The following HS3ST5 variants were observed in gnomAD, a reference collection of about 807,000 sequenced individuals.
HS3ST5 encodes the protein heparan sulfate glucosamine 3-O-sulfotransferase 5.
HS3ST5 carries 10 observed loss-of-function variants against 25.4 expected under a neutral mutation model. The ratio of observed to expected loss-of-function variants is 0.39; its 90% CI spans 0.24 to 0.67. HS3ST5 has a LOEUF of 0.67. Among genes scored for constraint, HS3ST5 ranks in the 30% least tolerant of loss-of-function variants. HS3ST5 has a pLI of 0.44. For missense variants in HS3ST5, 324 were observed against 420.7 expected, an observed-to-expected ratio of 0.77 and a Z score of 2.01; for synonymous variants, 170 against 162.4, an observed-to-expected ratio of 1.05 and a Z score of -0.36.
chr6:114,093,107 C>T (rs1357267527), intron 3 of HS3ST5, among the ~76,000 whole-genome samples: 2 of 152,168 alleles, frequency 1.3e-5, no homozygotes, highest in African/African-American at 4.8e-5. Context: ...TCCAAGGCCA[C>T]ACAGTTAACA....
At chr6:114,316,665 C>T (rs945800522) in intron 1 of HS3ST5, among the ~76,000 whole-genome samples, 1 of 152,124 alleles carries the variant, frequency 6.6e-6, no homozygotes, top group Non-Finnish European at 1.5e-5. Flanking sequence ...CACTCTTGGG[C>T]TAACAAAAAA....
intron 2 of HS3ST5, among the ~76,000 whole-genome samples, chr6:114,192,641 A>G (rs1206692995): frequency 6.6e-6 from 1 of 152,220 alleles, no homozygotes; most frequent in Admixed American, 6.5e-5. Flanking sequence ...TAAAAAGGCA[A>G]GACCCAGGAA....
chr6:114,126,012 A>G (rs1777020490), intron 3 of HS3ST5, among the ~76,000 whole-genome samples: 1 of 152,210 alleles, frequency 6.6e-6, no homozygotes, highest in African/African-American at 2.4e-5. Flanking sequence ...TCTTGAGGTA[A>G]AATTCTATCT....
intron 3 of HS3ST5, among the ~76,000 whole-genome samples, chr6:114,126,776 A>T (rs1316156627): frequency 6.6e-6 from 1 of 152,012 alleles, no homozygotes; most frequent in East Asian, 1.9e-4. Context: ...TACTTCAGGC[A>T]TTTCAGGCAC....
At chr6:114,063,466 G>A (rs557504401) in intron 3 of HS3ST5, among the ~76,000 whole-genome samples, 2 of 148,982 alleles carry the variant, frequency 1.3e-5, no homozygotes, top group Non-Finnish European at 3.0e-5. Context: ...AGTGAGCTGC[G>A]ATCATGCCAC....
chr6:114,264,935 G>A (rs537599073), intron 1 of HS3ST5, among the ~76,000 whole-genome samples: 12 of 152,226 alleles, frequency 7.9e-5, no homozygotes, highest in Middle Eastern at 3.4e-3. Flanking sequence ...GCTGGAATGC[G>A]GTGACACGAT....
chr6:114,149,931 A>G (rs1778370228), intron 3 of HS3ST5, among the ~76,000 whole-genome samples: 1 of 152,210 alleles, frequency 6.6e-6, no homozygotes, highest in Non-Finnish European at 1.5e-5. Flanking sequence ...TGTCATATCA[A>G]GAAGAGACAG....
chr6:114,274,193 G>A (rs559579603), intron 1 of HS3ST5, among the ~76,000 whole-genome samples: 6 of 152,134 alleles, frequency 3.9e-5, no homozygotes, highest in Non-Finnish European at 1.5e-5. Context: ...GGTTCTGCTG[G>A]TGAAATCTTT....
intron 1 of HS3ST5, among the ~76,000 whole-genome samples, chr6:114,284,750 G>T (rs551555419): frequency 6.6e-6 from 1 of 151,872 alleles, no homozygotes; most frequent in East Asian, 1.9e-4. Context: ...TCTCCAAGCT[G>T]CTCCTTATAA....
intron 1 of HS3ST5, among the ~76,000 whole-genome samples, chr6:114,333,524 C>A (rs17325929): frequency 0.17 from 25,161 of 151,924 alleles, 2,507 homozygotes; most frequent in Admixed American, 0.23. Flanking sequence ...TATAAATAAC[C>A]CTTAACTCAC....
chr6:114,092,816 C>CT (rs1775200635), intron 3 of HS3ST5, among the ~76,000 whole-genome samples: 1 of 151,712 alleles, frequency 6.6e-6, no homozygotes, highest in South Asian at 2.1e-4. Context: ...AGTAGGATTA[C>CT]AGGCACATAC....
chr6:114,315,628 G>A (rs1005388802), intron 1 of HS3ST5, among the ~76,000 whole-genome samples: 3 of 152,106 alleles, frequency 2.0e-5, no homozygotes, highest in Non-Finnish European at 4.4e-5. Context: ...ACTTAGAGAT[G>A]CACAGAAAAC....
At chr6:114,316,623 G>A (rs1408751542) in intron 1 of HS3ST5, among the ~76,000 whole-genome samples, 1 of 152,084 alleles carries the variant, frequency 6.6e-6, no homozygotes, top group Non-Finnish European at 1.5e-5. Flanking sequence ...AGCAAAGGAA[G>A]AGTAACTCAC....
chr6:114,106,304 T>G lies in HS3ST5; in HGVS notation c.-32-43427A>C, dbSNP rs571365002. 3.2e-3 allele frequency among the ~76,000 whole-genome samples: 485 copies of G among 152,182 alleles called. 1 individual carries two copies. The highest frequency in any genetic ancestry group is 6.8e-3 in the Middle Eastern group (2 of 294). On this transcript the variant is annotated intron_variant, in intron 3 of 4. Coordinates refer to ENST00000312719, the MANE Select transcript of HS3ST5 (RefSeq NM_153612.4). Reference sequence around the variant, plus strand: ...AGACCTATCGAATAAAATGATAAAATACTGTCACTTAGGAAAAGGATAACA... The same window carrying G: ...AGACCTATCGAATAAAATGATAAAAGACTGTCACTTAGGAAAAGGATAACA...
intron 2 of HS3ST5, among the ~76,000 whole-genome samples, chr6:114,175,086 T>C (rs1233528401): frequency 2.0e-5 from 3 of 152,328 alleles, no homozygotes; most frequent in Admixed American, 6.5e-5. Context: ...AGATACAGAC[T>C]TCTAATGGTA....
At chr6:114,263,416 AC>A (rs1332751203) in intron 1 of HS3ST5, among the ~76,000 whole-genome samples, 2 of 152,216 alleles carry the variant, frequency 1.3e-5, no homozygotes, top group African/African-American at 2.4e-5. Flanking sequence ...AAATAAAAAA[AC>A]AAAACCCTTG....
chr6:114,119,347 A>G (rs1776674285), intron 3 of HS3ST5, among the ~76,000 whole-genome samples: 1 of 152,232 alleles, frequency 6.6e-6, no homozygotes, highest in Non-Finnish European at 1.5e-5. Context: ...TTCTGATAAA[A>G]TGGCAGAATC....
chr6:114,201,802 C>T (rs529408183), intron 2 of HS3ST5, among the ~76,000 whole-genome samples: 1 of 152,182 alleles, frequency 6.6e-6, no homozygotes, highest in Admixed American at 6.5e-5. Context: ...CTGGGGAGAC[C>T]TCAGGAAACT....
chr6:114,190,274 A>G (rs895192675), intron 2 of HS3ST5, among the ~76,000 whole-genome samples: 8 of 152,110 alleles, frequency 5.3e-5, no homozygotes, highest in Non-Finnish European at 1.0e-4. Context: ...AGTTCCAGAG[A>G]CACACAGTGA....
Sources: gnomAD v4.1 joint callset for allele counts (sites outside exome capture counted in the v4.1 genomes callset) on GRCh38, gnomAD v4.1.1 for gene constraint, MANE v1.5 for transcripts, NCBI Gene and HGNC (gene_info 2026-07-23, HGNC 2026-07-21) for gene names.